MYH10: variants seen among roughly 807,000 people sequenced by gnomAD.
MYH10 encodes myosin heavy chain 10.
A neutral mutation model predicts 257.8 loss-of-function variants in MYH10; 55 were observed. The observed-to-expected ratio is 0.21, with a 90% CI of 0.17 to 0.27. MYH10 has a LOEUF of 0.27. Among genes scored for constraint, MYH10 ranks in the 10% least tolerant of loss-of-function variants. The pLI, the probability that MYH10 is intolerant of heterozygous loss-of-function variation, is 1.00. For synonymous variants in MYH10, 854 were observed against 921.7 expected (o/e 0.93, Z 1.33); for missense variants, 1,631 against 2,500.6 (o/e 0.65, Z 7.42).
At chr17:8,526,035 C>T (rs1201519984) in intron 17 of MYH10, among the ~76,000 whole-genome samples, 1 of 152,218 alleles carries the variant, frequency 6.6e-6, no homozygotes, top group East Asian at 1.9e-4. Context: ...TTATGATCTG[C>T]CCGCCTTGGC....
Position 8,475,826 on chromosome 17 carries a change from G to A in MYH10, c.6002C>T (p.Thr2001Met), listed in dbSNP as rs1479466753. ...TESKTSDVNE[T>M]QPPQSE ...ACTTTACTCTGACTGGGGTGGCTGC[G>A]TCTCGTTGACATCACTGGTCTTACT... Residue 2001 changes from threonine (T) to methionine (M), a missense_variant, in exon 43 of 43, where the codon ACG becomes ATG. This residue lies in a region of MYH10 where 343 missense variants were observed against 389.5 expected (regional missense o/e 0.88). Coordinates refer to ENST00000360416, the MANE Select transcript of MYH10 (RefSeq NM_001256012.3). The A allele has an allele frequency of 4.3e-6, 7 of 1,614,168 alleles. No individual in the cohort carries two copies. Among genetic ancestry groups the A allele is most frequent in the East Asian group, 4.5e-5 (2 of 44,876 alleles).
At chr17:8,513,485 A>G in intron 23 of MYH10, 53 bp downstream of exon 23, 2 of 1,604,426 alleles carry the variant, frequency 1.2e-6, no homozygotes, top group Non-Finnish European at 1.7e-6. Flanking sequence ...TACCAGTGCA[A>G]GATCTCATAG....
chr17:8,546,356 G>T (rs1450443168), intron 12 of MYH10, among the ~76,000 whole-genome samples, 188 bp downstream of exon 12: 1 of 151,448 alleles, frequency 6.6e-6, no homozygotes, highest in Non-Finnish European at 1.5e-5. Flanking sequence ...ACCGGCCCCG[G>T]CCCCTTTTAA....
chr17:8,557,649 T>C (rs1251534421), intron 7 of MYH10, among the ~76,000 whole-genome samples: 3 of 152,192 alleles, frequency 2.0e-5, no homozygotes, highest in Non-Finnish European at 2.9e-5. Flanking sequence ...CAGCTCCCAG[T>C]GCCACTAAAC....
chr17:8,550,268 C>G (rs2082585494), intron 9 of MYH10, among the ~76,000 whole-genome samples: 1 of 151,956 alleles, frequency 6.6e-6, no homozygotes, highest in Non-Finnish European at 1.5e-5. Flanking sequence ...GCCGCCATCA[C>G]ATCTAGGAAG....
intron 17 of MYH10, among the ~76,000 whole-genome samples, chr17:8,522,723 T>C (rs2081696067): frequency 6.6e-6 from 1 of 152,188 alleles, no homozygotes; most frequent in Admixed American, 6.5e-5. Context: ...TGCTACACCA[T>C]ATCCTCTCCC....
At chr17:8,600,956 G>A (rs2084567652) in intron 3 of MYH10, among the ~76,000 whole-genome samples, 1 of 152,198 alleles carries the variant, frequency 6.6e-6, no homozygotes, top group Admixed American at 6.5e-5. Context: ...ACATCAGAGA[G>A]TGGGAGTTAC....
At chr17:8,609,049 G>C (rs1447878896) in intron 2 of MYH10, among the ~76,000 whole-genome samples, 2 of 152,160 alleles carry the variant, frequency 1.3e-5, no homozygotes, top group African/African-American at 2.4e-5. Context: ...CTGACCTCGT[G>C]ATCTGCCCGC....
Position 8,487,463 on chromosome 17 carries a change from A to T in MYH10, c.5016T>A (p.Asp1672Glu), listed in dbSNP as rs1915053110. 1 of 1,614,016 alleles carries T rather than the reference A, an allele frequency of 6.2e-7. No homozygotes were observed. The highest frequency in any genetic ancestry group is 1.3e-5 in the African/African-American group (1 of 74,918). The change falls in exon 36 of 43, where the codon GAT becomes GAA. Residue 1672 changes from aspartate to glutamate, a missense_variant. Around this residue, in one of 11 missense-constraint regions of MYH10, gnomAD observed 463 missense variants for 621.8 expected, o/e 0.74. Transcript: ENST00000360416. ...AQIEAANKAR[D>E]EVIKQLRKLQ... The stretch of plus-strand genomic sequence containing the variant: ...GCTTGCGGAGCTGCTTAATCACCTC[A>T]TCCCGAGCTTTGTTCGCAGCCTCGA...
At position 8,474,279 on chromosome 17, in the gene MYH10, CAG is replaced by C. The variant is rs781652111; in HGVS notation, c.*1523_*1524del. 39 of 152,716 alleles carry C rather than the reference CAG, an allele frequency of 2.6e-4. No individual in the cohort carries two copies. The highest frequency in any genetic ancestry group is 8.4e-4 in the African/African-American group (35 of 41,564). 9.5% of individuals were successfully genotyped at this position (152,716 alleles called of 1,614,324 possible). ...ACGGGTGCTTTTTTCTTCAAGTAAA[CAG>C]AGCAGGCGCAAATATCTATAATGAA... On this transcript the variant is annotated 3_prime_UTR_variant, in exon 43 of 43. Coordinates refer to ENST00000360416, the MANE Select transcript of MYH10 (RefSeq NM_001256012.3).
intron 37 of MYH10, among the ~76,000 whole-genome samples, chr17:8,482,997 C>G (rs1914109761): frequency 6.6e-6 from 1 of 152,192 alleles, no homozygotes. Flanking sequence ...CTAACGTGTT[C>G]TAGGTCCCAG....
intron 7 of MYH10, among the ~76,000 whole-genome samples, chr17:8,564,218 A>G (rs959773126): frequency 2.0e-5 from 3 of 152,218 alleles, no homozygotes; most frequent in African/African-American, 7.2e-5. Flanking sequence ...TTTGAAAGAA[A>G]AGATATTCTT....
Position 8,513,808 on chromosome 17 carries a change from T to G in MYH10, c.2591A>C (p.Gln864Pro). 6.2e-7 allele frequency: 1 copy of G among 1,614,186 alleles called. No homozygotes were observed. The highest frequency in any genetic ancestry group is 8.5e-7 in the Non-Finnish European group (1 of 1,180,024). ...CAAYLKLRHW[Q>P]WWRVFTKVKP... Reference sequence around the variant, plus strand: ...CACCTTTGTGAAGACTCGCCACCACTGCCAGTGCCGTAATTTCAGGTACGC... The same window carrying G: ...CACCTTTGTGAAGACTCGCCACCACGGCCAGTGCCGTAATTTCAGGTACGC... Residue 864 changes from glutamine (Q) to proline (P), a missense_variant, in exon 22 of 43, where the codon CAG (glutamine) becomes CCG (proline). By Grantham distance (76) the Gln-to-Pro change is moderately conservative. Transcript: ENST00000360416.
At chr17:8,539,298 CCTG>C (rs1421500013) in intron 14 of MYH10, among the ~76,000 whole-genome samples, 3 of 152,246 alleles carry the variant, frequency 2.0e-5, no homozygotes, top group East Asian at 1.9e-4. Context: ...GTGCTGTTCA[CCTG>C]CTGATTTCTG....
chr17:8,510,083 G>C, intron 24 of MYH10, 134 bp from the exon 25 acceptor site: 1 of 915,202 alleles, frequency 1.1e-6, no homozygotes, highest in African/African-American at 1.8e-5. Context: ...CTGTTGCCCA[G>C]GCTGAAGTGC....
At chr17:8,621,580 T>C (rs2085469447) in intron 2 of MYH10, among the ~76,000 whole-genome samples, 1 of 152,184 alleles carries the variant, frequency 6.6e-6, no homozygotes, top group South Asian at 2.1e-4. Flanking sequence ...CTCCAGTCGC[T>C]TTCTTATCCC....
At chr17:8,597,411 A>C (rs2084419784) in intron 3 of MYH10, among the ~76,000 whole-genome samples, 1 of 151,572 alleles carries the variant, frequency 6.6e-6, no homozygotes, top group African/African-American at 2.4e-5. Context: ...ATACTTATAT[A>C]CTTATTTATA....
intron 35 of MYH10, among the ~76,000 whole-genome samples, chr17:8,488,360 CAG>C (rs1444366919): frequency 6.6e-6 from 1 of 152,192 alleles, no homozygotes; most frequent in Non-Finnish European, 1.5e-5. Context: ...GGACCAGACA[CAG>C]AGCTGTTGAG....
intron 3 of MYH10, among the ~76,000 whole-genome samples, chr17:8,600,163 A>G (rs1400382062): frequency 6.6e-6 from 1 of 152,218 alleles, no homozygotes; most frequent in Non-Finnish European, 1.5e-5. Context: ...ACAGCATTAA[A>G]AGAGACAAAT....
Sources: allele counts gnomAD v4.1 joint callset (sites outside exome capture counted in the v4.1 genomes callset), GRCh38; gene constraint gnomAD v4.1.1; regional missense constraint gnomAD v4.1.1; transcripts MANE v1.5; gene names NCBI Gene and HGNC (gene_info 2026-07-23, HGNC 2026-07-21).